Variants in DGKI observed in about 807,000 individuals in gnomAD.
DGKI encodes the protein DAG kinase iota.
A neutral mutation model predicts 147.5 loss-of-function variants in DGKI; 55 were observed. The ratio of observed to expected loss-of-function variants is 0.37; its 90% confidence interval spans 0.30 to 0.47. DGKI has a LOEUF of 0.47. Ranked by LOEUF, DGKI falls within the 20% of genes least tolerant of loss-of-function variation. DGKI has a pLI of 1.00. For missense variants in DGKI, 1,007 were observed against 1,323.8 expected, an observed-to-expected ratio of 0.76 and a Z score of 3.71; for synonymous variants, 469 against 477.1, an observed-to-expected ratio of 0.98 and a Z score of 0.22.
At chr7:137,745,018 G>A (rs1224644121) in intron 1 of DGKI, among the ~76,000 whole-genome samples, 4 of 151,984 alleles carry the variant, frequency 2.6e-5, no homozygotes, top group Admixed American at 2.0e-4. Flanking sequence ...TGGATGACAG[G>A]ATCATTAGAA....
At chr7:137,604,053 G>A (rs957195815) in intron 10 of DGKI, among the ~76,000 whole-genome samples, 1 of 152,104 alleles carries the variant, frequency 6.6e-6, no homozygotes, top group Non-Finnish European at 1.5e-5. Flanking sequence ...CCTATCACAG[G>A]AGCTAGTTTG....
intron 21 of DGKI, among the ~76,000 whole-genome samples, chr7:137,520,851 G>C (rs944509279): frequency 6.6e-6 from 1 of 152,090 alleles, no homozygotes; most frequent in East Asian, 1.9e-4. Context: ...TCAGAAACCA[G>C]AGCTCAGAAA....
rs943160722 is a variant in DGKI at position 137,430,043 on chromosome 7, C to T, written c.2761+14034G>A. Reference sequence around the variant, plus strand: ...TGGAAATACCATTTGACCCAGCCATCCCATTACTGGGTATATACCCAAAGG... The same window carrying T: ...TGGAAATACCATTTGACCCAGCCATTCCATTACTGGGTATATACCCAAAGG... On this transcript the variant is annotated intron_variant, in intron 28 of 32. Coordinates refer to ENST00000614521, the MANE Select transcript of DGKI (RefSeq NM_001321708.2). Among the ~76,000 whole-genome samples, 13 of 114,862 alleles carry T rather than the reference C, an allele frequency of 1.1e-4. 1 individual carries two copies. In the South Asian group the frequency reaches 4.4e-3, roughly 39 times the overall value. 75.4% of individuals were successfully genotyped at this position (114,862 alleles called of 152,430 possible). A position where few individuals can be genotyped will look rare whatever the true frequency, so the allele number is the denominator to read the frequency against.
At chr7:137,434,676 C>A (rs1585112520) in intron 28 of DGKI, among the ~76,000 whole-genome samples, 1 of 152,040 alleles carries the variant, frequency 6.6e-6, no homozygotes, top group East Asian at 1.9e-4. Flanking sequence ...TTATCACCAA[C>A]AAAGCATTCC....
At chr7:137,533,129 T>G (rs1817398388) in intron 20 of DGKI, among the ~76,000 whole-genome samples, 1 of 151,948 alleles carries the variant, frequency 6.6e-6, no homozygotes, top group Non-Finnish European at 1.5e-5. Context: ...TAAAAACTTT[T>G]TTTTAAATAA....
chr7:137,624,246 G>A (rs1820853941), intron 6 of DGKI, among the ~76,000 whole-genome samples: 1 of 152,216 alleles, frequency 6.6e-6, no homozygotes, highest in Non-Finnish European at 1.5e-5. Context: ...ATAATGGCCA[G>A]AGAGAAGTAT....
intron 23 of DGKI, among the ~76,000 whole-genome samples, chr7:137,477,565 A>T (rs768800745): frequency 1.4e-4 from 22 of 152,252 alleles, no homozygotes; most frequent in Non-Finnish European, 2.8e-4. Flanking sequence ...TAGCAAGATG[A>T]ATTTCCATGG....
At chr7:137,638,598 A>G (rs1161023082) in intron 6 of DGKI, among the ~76,000 whole-genome samples, 33 of 13,848 alleles carry the variant, frequency 2.4e-3, no homozygotes, top group African/African-American at 5.4e-3. Context: ...ATATATACAT[A>G]TATGTATATA....
rs1318598778 is a variant in DGKI at position 137,689,930 on chromosome 7, A to G, written c.474T>C (p.Gly158=). 1 of 1,607,632 alleles carries G rather than the reference A, an allele frequency of 6.2e-7. No homozygotes were observed. The highest frequency in any genetic ancestry group is 8.5e-7 in the Non-Finnish European group (1 of 1,177,176). ...AAGTCGCTCTGGGCTCCTTGGCTGG[A>G]CCATTTGCCACAGGAAGGCTGAGGG... ...AHPLSLPVAN[G]PAKEPRATLD... The change falls in exon 2 of 33, where the codon GGT becomes GGC. Residue 158 remains glycine, a synonymous_variant. Coordinates refer to ENST00000614521, the MANE Select transcript of DGKI (RefSeq NM_001321708.2).
At chr7:137,500,792 T>C (rs13242243) in intron 21 of DGKI, among the ~76,000 whole-genome samples, 37,216 of 152,076 alleles carry the variant, frequency 0.24, 7,955 homozygotes, top group African/African-American at 0.58. Context: ...TATTTTGATA[T>C]GTGTATACAA....
chr7:137,747,595 G>A (rs1039337706), intron 1 of DGKI, among the ~76,000 whole-genome samples: 2 of 152,130 alleles, frequency 1.3e-5, no homozygotes, highest in African/African-American at 4.8e-5. Flanking sequence ...CTATACTCAG[G>A]CCGGCTCCCA....
At chr7:137,570,627 C>T (rs1204071169) in intron 19 of DGKI, among the ~76,000 whole-genome samples, 2 of 149,040 alleles carry the variant, frequency 1.3e-5, no homozygotes, top group African/African-American at 2.5e-5. Context: ...CAGTTTCACT[C>T]GTCACCCAGG....
intron 8 of DGKI, among the ~76,000 whole-genome samples, chr7:137,615,318 T>C (rs1281053940): frequency 1.3e-5 from 2 of 152,112 alleles, no homozygotes; most frequent in African/African-American, 2.4e-5. Context: ...GTGACTTAGA[T>C]AGTTCTAGCT....
intron 26 of DGKI, 130 bp from the exon 27 acceptor site, chr7:137,463,741 G>T: frequency 1.0e-6 from 1 of 953,268 alleles, no homozygotes; most frequent in Non-Finnish European, 1.5e-6. Context: ...GTGTTTACCA[G>T]ATACTACCCA....
intron 3 of DGKI, among the ~76,000 whole-genome samples, chr7:137,674,546 T>TA (rs1822961378): frequency 6.6e-6 from 1 of 152,210 alleles, no homozygotes; most frequent in African/African-American, 2.4e-5. Flanking sequence ...TTAGACAATG[T>TA]ATTCTATAGT....
At chr7:137,665,536 C>T (rs1304997306) in intron 3 of DGKI, among the ~76,000 whole-genome samples, 2 of 152,112 alleles carry the variant, frequency 1.3e-5, no homozygotes, top group African/African-American at 2.4e-5. Context: ...CTTCGAACAG[C>T]GTGTTTTGTT....
At chr7:137,419,521 A>G (rs780367250) in intron 28 of DGKI, among the ~76,000 whole-genome samples, 18 of 152,206 alleles carry the variant, frequency 1.2e-4, no homozygotes, top group Non-Finnish European at 1.3e-4. Context: ...TGAGCAACAA[A>G]CTGTGAAGGC....
At chr7:137,421,378 T>G (rs913696205) in intron 28 of DGKI, among the ~76,000 whole-genome samples, 17 of 152,250 alleles carry the variant, frequency 1.1e-4, no homozygotes, top group African/African-American at 4.1e-4. Flanking sequence ...CCCAATTCAA[T>G]TAATTCCTGC....
intron 6 of DGKI, among the ~76,000 whole-genome samples, chr7:137,625,029 C>T (rs781327715): frequency 6.6e-6 from 1 of 152,238 alleles, no homozygotes; most frequent in Non-Finnish European, 1.5e-5. Context: ...ACTACCACTT[C>T]CAGAGACATG....
Sources: gnomAD v4.1 joint callset for allele counts (sites outside exome capture counted in the v4.1 genomes callset) on GRCh38, gnomAD v4.1.1 for gene constraint, MANE v1.5 for transcripts, NCBI Gene and HGNC (gene_info 2026-07-23, HGNC 2026-07-21) for gene names.